Variants in PROS1 observed in about 807,000 individuals in gnomAD.
PROS1 encodes the protein protein S.
In PROS1, 29 loss-of-function variants were observed where a neutral mutation model predicts 75.9. The observed-to-expected ratio is 0.38, with a 90% CI of 0.28 to 0.52. PROS1 has a LOEUF of 0.52. Ranked by LOEUF, PROS1 falls within the 20% of genes least tolerant of loss-of-function variation. The pLI is 0.83. For synonymous variants in PROS1, 245 were observed against 280.6 expected, an observed-to-expected ratio of 0.87 and a Z score of 1.27; for missense variants, 680 against 810.3, an observed-to-expected ratio of 0.84 and a Z score of 1.95.
chr3:93,905,923 A>C lies in PROS1; in HGVS notation c.470-8T>G, dbSNP rs1409791822. 1 of 1,612,708 alleles carries C rather than the reference A, an allele frequency of 6.2e-7. No individual in the cohort carries two copies. On this transcript the variant is annotated splice_polypyrimidine_tract_variant and splice_region_variant and intron_variant, in intron 5 of 14. Transcript: ENST00000394236. ...CTTTGCATTCATTTATGTCTAAAAC[A>C]GGAAAAAAATAAATTATTTTTAAAG...
At chr3:93,891,156 G>C (rs1329247262) in intron 10 of PROS1, among the ~76,000 whole-genome samples, 7 of 151,964 alleles carry the variant, frequency 4.6e-5, no homozygotes, top group Non-Finnish European at 1.0e-4. Context: ...TAAATAAATT[G>C]AGATCAGCAC....
intron 10 of PROS1, among the ~76,000 whole-genome samples, 199 bp downstream of exon 10, chr3:93,892,734 T>A (rs1023363725): frequency 7.2e-5 from 11 of 152,022 alleles, no homozygotes; most frequent in African/African-American, 2.7e-4. Context: ...AGCAAATAAC[T>A]AAAAACAATG....
chr3:93,921,513 G>A (rs977146880), intron 3 of PROS1, among the ~76,000 whole-genome samples: 18 of 152,022 alleles, frequency 1.2e-4, no homozygotes, highest in Non-Finnish European at 2.4e-4. Flanking sequence ...TCTGGGTTTC[G>A]GGAGAAATAG....
Position 93,898,440 on chromosome 3 carries a change from A to G in PROS1, c.849+8T>C. 1 of 1,612,156 alleles carries G rather than the reference A, an allele frequency of 6.2e-7. No homozygotes were observed. The highest frequency in any genetic ancestry group is 8.5e-7 in the Non-Finnish European group (1 of 1,178,570). ...CAGGTGAGAAGTTAAGCATTGTAAA[A>G]TGTTTACCTCACAACTCTTCTGATC... On this transcript the variant is annotated splice_region_variant and intron_variant, in intron 8 of 14. Transcript: ENST00000394236.
At chr3:93,912,959 T>C (rs1463997252) in intron 3 of PROS1, among the ~76,000 whole-genome samples, 2 of 152,198 alleles carry the variant, frequency 1.3e-5, no homozygotes, top group Non-Finnish European at 1.5e-5. Flanking sequence ...GTCCTTCTCA[T>C]GTGCAAAATA....
At chr3:93,905,639 A>G in intron 6 of PROS1, 145 bp downstream of exon 6, 1 of 862,694 alleles carries the variant, frequency 1.2e-6, no homozygotes, top group South Asian at 1.7e-5. Flanking sequence ...GCAGTTCCAC[A>G]GTATCACAAG....
At chr3:93,960,532 CTTT>C (rs774875701) in intron 1 of PROS1, among the ~76,000 whole-genome samples, 5 of 50,142 alleles carry the variant, frequency 1.0e-4, no homozygotes, top group South Asian at 7.0e-4. Flanking sequence ...CTCCATTGCT[CTTT>C]TTTTTTTTTT....
intron 1 of PROS1, among the ~76,000 whole-genome samples, chr3:93,952,319 T>C (rs548314822): frequency 1.3e-5 from 2 of 152,272 alleles, no homozygotes; most frequent in South Asian, 4.1e-4. Context: ...ATTGACCACA[T>C]AGTTGGAAGA....
rs144912989 is a variant in PROS1 at position 93,882,620 on chromosome 3, T to G, written c.1492+2108A>C. Among the ~76,000 whole-genome samples the G allele has an allele frequency of 1.4e-4, 21 of 152,242 alleles. No homozygotes were observed. In the East Asian group the frequency reaches 4.1e-3, roughly 29 times the overall value. On this transcript the variant is annotated intron_variant, in intron 12 of 14. Coordinates refer to ENST00000394236, the MANE Select transcript of PROS1 (RefSeq NM_000313.4). The stretch of plus-strand genomic sequence containing the variant: ...GCCATGCAATTTGGTAAAAATAATT[T>G]AGGTAAAGATTTAAACAAATTGCTG...
intron 12 of PROS1, among the ~76,000 whole-genome samples, chr3:93,881,939 A>T (rs1207571729): frequency 1.3e-5 from 2 of 152,182 alleles, no homozygotes; most frequent in African/African-American, 4.8e-5. Context: ...ATTAGTGTTA[A>T]CAATTTATAA....
intron 2 of PROS1, 46 bp from the exon 3 acceptor site, chr3:93,924,310 A>C: frequency 1.8e-5 from 21 of 1,149,074 alleles, no homozygotes; most frequent in Non-Finnish European, 2.4e-5. Flanking sequence ...CCTAAATTTC[A>C]TTATAGAGTT....
chr3:93,960,118 T>C (rs1219197679), intron 1 of PROS1, among the ~76,000 whole-genome samples: 8 of 152,202 alleles, frequency 5.3e-5, no homozygotes, highest in African/African-American at 1.7e-4. Flanking sequence ...CGAAGAAATA[T>C]TCCATGTGCT....
intron 10 of PROS1, among the ~76,000 whole-genome samples, chr3:93,886,995 T>C (rs1708358343): frequency 1.3e-5 from 2 of 149,848 alleles, no homozygotes. Context: ...CTCGGCTCAC[T>C]GCAAGCTCCG....
intron 1 of PROS1, among the ~76,000 whole-genome samples, chr3:93,933,643 GGC>G: frequency 6.6e-6 from 1 of 152,158 alleles, no homozygotes; most frequent in African/African-American, 2.4e-5. Context: ...ATTAATAATG[GGC>G]TGGCGTGGTG....
intron 1 of PROS1, among the ~76,000 whole-genome samples, chr3:93,950,664 C>T (rs1178164712): frequency 6.6e-6 from 1 of 152,190 alleles, no homozygotes; most frequent in African/African-American, 2.4e-5. Flanking sequence ...AAGACATTCA[C>T]ACCAAAATCC....
chr3:93,970,058 A>C (rs1709853600), intron 1 of PROS1, among the ~76,000 whole-genome samples: 1 of 152,194 alleles, frequency 6.6e-6, no homozygotes, highest in Admixed American at 6.5e-5. Flanking sequence ...CCTTGATAAA[A>C]TCTCTCCATC....
At chr3:93,893,882 T>C (rs899096918) in intron 9 of PROS1, among the ~76,000 whole-genome samples, 23 of 152,316 alleles carry the variant, frequency 1.5e-4, no homozygotes, top group African/African-American at 5.5e-4. Flanking sequence ...TCTGTTGCTA[T>C]TAAGACTCTA....
chr3:93,879,283 T>G lies in PROS1; in HGVS notation c.1524A>C (p.Val508=), dbSNP rs1708240575. 1 of 1,613,948 alleles carries G rather than the reference T, an allele frequency of 6.2e-7. No homozygotes were observed. Among genetic ancestry groups the G allele is most frequent in the African/African-American group, 1.3e-5 (1 of 74,934 alleles). Residue 508 remains valine (V), a synonymous_variant, in exon 13 of 15, where the codon GTA becomes GTC. Coordinates refer to ENST00000394236, the MANE Select transcript of PROS1 (RefSeq NM_000313.4). ...ATGGACGAATATTCAAGGTCACATT[T>G]ACATGCCAACCCTCAGCACTGGATA... ...NNVSSAEGWH[V]NVTLNIRPST...
intron 1 of PROS1, among the ~76,000 whole-genome samples, chr3:93,929,092 AC>A (rs576052162): frequency 2.0e-5 from 3 of 152,238 alleles, no homozygotes; most frequent in Admixed American, 6.5e-5. Context: ...AGTATGTCCT[AC>A]ATATATGCCC....
Sources: gnomAD v4.1 joint callset for allele counts (sites outside exome capture counted in the v4.1 genomes callset) on GRCh38, gnomAD v4.1.1 for gene constraint, MANE v1.5 for transcripts, NCBI Gene and HGNC (gene_info 2026-07-23, HGNC 2026-07-21) for gene names.